The following MASP1 variants were observed in gnomAD, a reference collection of about 807,000 sequenced individuals.
MASP1 encodes the protein MBL associated serine protease 1.
A neutral mutation model predicts 77.1 loss-of-function variants in MASP1; 59 were observed. That is an observed-to-expected ratio of 0.77 (90% confidence interval 0.62 to 0.95). The LOEUF (loss-of-function observed/expected upper bound fraction) is 0.95. Among genes scored for constraint, MASP1 ranks in the 40% least tolerant of loss-of-function variants. MASP1 has a pLI of 0.00. For synonymous variants in MASP1, 362 were observed against 354.5 expected, an observed-to-expected ratio of 1.02 and a Z score of -0.24; for missense variants, 885 against 912.9, an observed-to-expected ratio of 0.97 and a Z score of 0.39.
At chr3:187,270,147 C>T (rs1026214658) in intron 2 of MASP1, among the ~76,000 whole-genome samples, 21 of 152,150 alleles carry the variant, frequency 1.4e-4, no homozygotes, top group Admixed American at 7.2e-4. Context: ...AACAAGTATA[C>T]GATGCGTTAA....
At chr3:187,247,222 G>A in intron 8 of MASP1, 1 of 1,595,690 alleles carries the variant, frequency 6.3e-7, no homozygotes, top group Non-Finnish European at 8.5e-7. Flanking sequence ...TAATCCACAT[G>A]GAAAGGGGCA....
chr3:187,267,392 G>T (rs1487568969), intron 2 of MASP1, among the ~76,000 whole-genome samples: 1 of 152,160 alleles, frequency 6.6e-6, no homozygotes, highest in African/African-American at 2.4e-5. Context: ...GGATTACCCT[G>T]TTGCCAGTTT....
intron 8 of MASP1, 118 bp downstream of exon 8, chr3:187,250,133 C>T: frequency 2.4e-6 from 2 of 827,998 alleles, no homozygotes. Flanking sequence ...CTGTTAAATT[C>T]CTGCTCCCAT....
intron 12 of MASP1, chr3:187,226,104 T>C: frequency 2.4e-6 from 1 of 421,226 alleles, no homozygotes; most frequent in Non-Finnish European, 4.5e-6. Flanking sequence ...CTGGATCGTA[T>C]ATGTATGATC....
At chr3:187,220,589 C>T (rs1455062160) in intron 15 of MASP1, among the ~76,000 whole-genome samples, 1 of 151,338 alleles carries the variant, frequency 6.6e-6, no homozygotes, top group African/African-American at 2.4e-5. Flanking sequence ...CCTCTACCTC[C>T]TGGGTTCAAG....
At chr3:187,222,587 T>C (rs1021225977) in intron 14 of MASP1, among the ~76,000 whole-genome samples, 1 of 152,164 alleles carries the variant, frequency 6.6e-6, no homozygotes, top group Non-Finnish European at 1.5e-5. Flanking sequence ...TAGTATCTTA[T>C]GGTCTAGAGA....
downstream of MASP1, chr3:187,229,657 C>G: frequency 6.9e-7 from 1 of 1,449,692 alleles, no homozygotes; most frequent in Non-Finnish European, 9.5e-7. Context: ...GCTTCTGTGC[C>G]CTGATGCTAG....
exon 13 of MASP1, chr3:187,225,468 G>T (rs1188480577): frequency 1.2e-6 from 2 of 1,614,184 alleles, no homozygotes; most frequent in South Asian, 2.2e-5. Context: ...TTGACGCCGA[G>T]ATGCTGTTCA....
intron 2 of MASP1, among the ~76,000 whole-genome samples, chr3:187,278,202 C>T (rs1248847617): frequency 6.6e-6 from 1 of 152,148 alleles, no homozygotes; most frequent in Admixed American, 6.5e-5. Context: ...GCAACTGCTC[C>T]AGTAAGAAGT....
chr3:187,253,102 C>A, intron 6 of MASP1, 66 bp downstream of exon 6: 1 of 1,606,752 alleles, frequency 6.2e-7, no homozygotes, highest in South Asian at 1.1e-5. Context: ...CACCTCCTCC[C>A]TCAGCCACTG....
rs533877044 is a variant in MASP1 at position 187,259,198 on chromosome 3, T to C, written c.547+1543A>G. On this transcript the variant is annotated intron_variant, in intron 4 of 10. Coordinates refer to ENST00000296280, the MANE Select transcript of MASP1 (RefSeq NM_139125.4). ...ATCCTAGATCTGGGATGTCAATGTT[T>C]CTACGCCCTTGTTCATTCTGCTTAT... Among the ~76,000 whole-genome samples the C allele has an allele frequency of 1.1e-4, 16 of 152,318 alleles. No homozygotes were observed. The East Asian group carries it at 2.9e-3, about 28-fold the overall frequency.
exon 16 of MASP1, chr3:187,218,339 G>A (rs2108495109): frequency 6.6e-6 from 1 of 152,648 alleles, no homozygotes. Flanking sequence ...GGTGTGCCCA[G>A]GCAGTGCTTG....
At position 187,235,423 on chromosome 3, in the gene MASP1, C is replaced by T; in HGVS notation, c.*261G>A. On this transcript the variant is annotated 3_prime_UTR_variant, in exon 11 of 11. Coordinates refer to ENST00000296280, the MANE Select transcript of MASP1 (RefSeq NM_139125.4). ...TGGCACAGAGGCCTTGGTTGAGCTCCTGCATTGTATTACTCGGTAGAGTGA... is the reference window on the plus strand; with the variant it reads ...TGGCACAGAGGCCTTGGTTGAGCTCTTGCATTGTATTACTCGGTAGAGTGA... The T allele has an allele frequency of 1.3e-6, 2 of 1,491,576 alleles. No homozygotes were observed. The highest frequency in any genetic ancestry group is 1.8e-6 in the Non-Finnish European group (2 of 1,120,086). 92.4% of individuals were successfully genotyped at this position (1,491,576 alleles called of 1,614,324 possible). A position where few individuals can be genotyped will look rare whatever the true frequency, so the allele number is the denominator to read the frequency against.
chr3:187,226,392 C>A, intron 12 of MASP1: 1 of 1,578,236 alleles, frequency 6.3e-7, no homozygotes, highest in Non-Finnish European at 8.7e-7. Context: ...GTCAGCTTGC[C>A]CCTCACTCAC....
At position 187,234,265 on chromosome 3, in the gene MASP1, A is replaced by G; in HGVS notation, c.*1419T>C. On this transcript the variant is annotated 3_prime_UTR_variant, in exon 11 of 11. Transcript: ENST00000296280. ...CCGGTTGAGAAAGTGGACACTTCCC[A>G]ATCATTCCCTCTCAGGGGCTTCTCT... 1 of 1,287,222 alleles carries G rather than the reference A, an allele frequency of 7.8e-7. No homozygotes were observed. Among genetic ancestry groups the G allele is most frequent in the Non-Finnish European group, 1.0e-6 (1 of 988,682 alleles). The allele number at this position is 1,287,222 out of a possible 1,614,324, so 79.7% of individuals were successfully genotyped here. A position where few individuals can be genotyped will look rare whatever the true frequency, so the allele number is the denominator to read the frequency against.
chr3:187,285,816 GAGTCTC>G lies in MASP1; in HGVS notation c.237+3_237+8del. 1 of 1,602,360 alleles carries G rather than the reference GAGTCTC, an allele frequency of 6.2e-7. No individual in the cohort carries two copies. Among genetic ancestry groups the G allele is most frequent in the Non-Finnish European group, 8.6e-7 (1 of 1,169,396 alleles). ...GCCTGGCCCAGTTAGGGGACATCAG[GAGTCTC>G]ACCTTCACATAGTCATATTCACAAA... On this transcript the variant is annotated splice_donor_5th_base_variant and intron_variant, in intron 2 of 10. Transcript: ENST00000296280.
At chr3:187,252,632 T>G (rs1385578270) in intron 6 of MASP1, among the ~76,000 whole-genome samples, 2 of 152,172 alleles carry the variant, frequency 1.3e-5, no homozygotes, top group Non-Finnish European at 2.9e-5. Flanking sequence ...TCTCCTTCCT[T>G]GGGTTCCTAC....
intron 2 of MASP1, among the ~76,000 whole-genome samples, chr3:187,272,860 T>A (rs562854975): frequency 2.0e-5 from 3 of 152,356 alleles, no homozygotes; most frequent in African/African-American, 4.8e-5. Context: ...TTTGTGGACA[T>A]TTATTACAGA....
intron 4 of MASP1, among the ~76,000 whole-genome samples, chr3:187,260,079 T>C (rs533011901): frequency 9.8e-4 from 149 of 152,284 alleles, no homozygotes; most frequent in African/African-American, 3.3e-3. Context: ...AATGGAAACA[T>C]TAATGTTAAA....
Sources: allele counts gnomAD v4.1 joint callset (sites outside exome capture counted in the v4.1 genomes callset), GRCh38; gene constraint gnomAD v4.1.1; transcripts MANE v1.5; gene names NCBI Gene and HGNC (gene_info 2026-07-23, HGNC 2026-07-21).